CHSY1: variants seen among roughly 807,000 people sequenced by gnomAD.
CHSY1 encodes N-acetylgalactosaminyl-proteoglycan 3-beta-glucuronosyltransferase 1.
In CHSY1, 13 loss-of-function variants were observed where a neutral mutation model predicts 59.8. That is an observed-to-expected ratio of 0.22 (90% CI 0.14 to 0.35). The LOEUF (loss-of-function observed/expected upper bound fraction) is 0.35, where lower values mean the gene tolerates loss of function less well. Among genes scored for constraint, CHSY1 ranks in the 10% least tolerant of loss-of-function variants. CHSY1 has a pLI of 1.00. For missense variants in CHSY1, 947 were observed against 1,030.6 expected, an observed-to-expected ratio of 0.92 and a Z score of 1.11; for synonymous variants, 459 against 401.2, an observed-to-expected ratio of 1.14 and a Z score of -1.72.
chr15:101,237,016 A>C (rs2038951026), intron 1 of CHSY1, among the ~76,000 whole-genome samples: 1 of 151,074 alleles, frequency 6.6e-6, no homozygotes, highest in Non-Finnish European at 1.5e-5. Flanking sequence ...TCAGGAGTTC[A>C]AGACCAGCCT....
rs188715899 is a variant in CHSY1, at chr15:101,203,186, G to C, written c.817-24206C>G. Among the ~76,000 whole-genome samples the C allele has an allele frequency of 7.3e-4, 111 of 152,274 alleles. 1 individual carries two copies. Among genetic ancestry groups the C allele is most frequent in the African/African-American group, 2.5e-3 (103 of 41,552 alleles). Reference sequence around the variant, plus strand: ...CAGAAACCACAAACCCCTGAAATAGGGGGGGTGAGGGAGTATAAAGGCAGC... The same window carrying C: ...CAGAAACCACAAACCCCTGAAATAGCGGGGGTGAGGGAGTATAAAGGCAGC... On this transcript the variant is annotated intron_variant, in intron 2 of 2. Coordinates refer to ENST00000254190, the MANE Select transcript of CHSY1 (RefSeq NM_014918.5).
chr15:101,193,833 T>A (rs1208049182), intron 2 of CHSY1, among the ~76,000 whole-genome samples: 1 of 152,232 alleles, frequency 6.6e-6, no homozygotes, highest in African/African-American at 2.4e-5. Flanking sequence ...TTCACGCTCC[T>A]TCCTTGCCTG....
intron 2 of CHSY1, among the ~76,000 whole-genome samples, chr15:101,211,534 G>C (rs2038683167): frequency 6.6e-6 from 1 of 152,144 alleles, no homozygotes; most frequent in African/African-American, 2.4e-5. Context: ...AAATGGGACA[G>C]AAGCAATATT....
At chr15:101,239,435 G>A (rs1242169477) in intron 1 of CHSY1, among the ~76,000 whole-genome samples, 3 of 152,254 alleles carry the variant, frequency 2.0e-5, no homozygotes, top group Admixed American at 6.5e-5. Flanking sequence ...GCTGGCTCTG[G>A]AATCAGGCCA....
rs946801677 is a variant in CHSY1 at position 101,176,832 on chromosome 15, G to A, written c.*556C>T. On this transcript the variant is annotated 3_prime_UTR_variant, in exon 3 of 3. Transcript: ENST00000254190. ...AAAACAAAACAAACAAAAAACCTACGTGGCCATGCTGAGCAGAGTACCATG... is the reference window on the plus strand; with the variant it reads ...AAAACAAAACAAACAAAAAACCTACATGGCCATGCTGAGCAGAGTACCATG... 5.0e-5 allele frequency: 8 copies of A among 160,572 alleles called. No individual in the cohort carries two copies. The highest frequency in any genetic ancestry group is 1.8e-4 in the East Asian group (1 of 5,574). The allele number at this position is 160,572 out of a possible 1,614,324, so 9.9% of individuals were successfully genotyped here.
intron 2 of CHSY1, among the ~76,000 whole-genome samples, chr15:101,219,753 C>T (rs1169578643): frequency 6.6e-6 from 1 of 152,210 alleles, no homozygotes; most frequent in Non-Finnish European, 1.5e-5. Context: ...CCATCCTTGT[C>T]CACCCATACC....
In CHSY1 at chr15:101,225,421, G is replaced by C. The variant is rs534795883; in HGVS notation, c.816+9661C>G. ...ACGTTTTAAAAGGCAGATTACCGTT[G>C]ATATAGTTTGGATACTTGTCCCCAC... On this transcript the variant is annotated intron_variant, in intron 2 of 2. Transcript: ENST00000254190. 5.0e-4 allele frequency among the ~76,000 whole-genome samples: 76 copies of C among 152,268 alleles called. 1 individual carries two copies. Among genetic ancestry groups the C allele is most frequent in the African/African-American group, 1.6e-3 (66 of 41,530 alleles).
At chr15:101,203,156 G>A (rs779525380) in intron 2 of CHSY1, among the ~76,000 whole-genome samples, 1 of 152,172 alleles carries the variant, frequency 6.6e-6, no homozygotes, top group Non-Finnish European at 1.5e-5. Context: ...AAATGCACTG[G>A]GTTGCAGAAA....
rs2038223001 is a variant in CHSY1, at chr15:101,178,257, G to C, written c.1540C>G (p.Leu514Val). 13 of 1,613,932 alleles carry C rather than the reference G, an allele frequency of 8.1e-6. No homozygotes were observed. The highest frequency in any genetic ancestry group is 9.3e-6 in the Non-Finnish European group (11 of 1,179,890). ...LSFLSNSLKK[L>V]VPFQLPGSKS... is the part of the protein sequence containing the mutation. ...GACCCAGGGAGCTGAAAGGGGACGA[G>C]CTTCTTCAGGGAGTTTGAGAGAAAG... The change falls in exon 3 of 3, where the codon CTC (leucine) becomes GTC (valine). Residue 514 changes from leucine to valine, a missense_variant. By Grantham distance (32) the Leu-to-Val change is conservative. This residue lies in a region of CHSY1 where 602 missense variants were observed against 676.9 expected (regional missense o/e 0.89). Transcript: ENST00000254190.
chr15:101,230,954 A>G (rs1056597157), intron 2 of CHSY1, among the ~76,000 whole-genome samples: 18 of 152,232 alleles, frequency 1.2e-4, no homozygotes, highest in Non-Finnish European at 2.1e-4. Flanking sequence ...TGAACCCTTA[A>G]CAAGTACTTA....
At chr15:101,240,063 A>C (rs1413056348) in intron 1 of CHSY1, among the ~76,000 whole-genome samples, 1 of 152,192 alleles carries the variant, frequency 6.6e-6, no homozygotes, top group Non-Finnish European at 1.5e-5. Context: ...CCCAATTATT[A>C]TCTGTTCCTT....
intron 2 of CHSY1, among the ~76,000 whole-genome samples, chr15:101,219,904 T>A (rs1237906211): frequency 6.6e-6 from 1 of 152,122 alleles, no homozygotes. Context: ...GTAGCTGGGA[T>A]TACAGGCATG....
intron 2 of CHSY1, among the ~76,000 whole-genome samples, chr15:101,185,245 A>C (rs191421311): frequency 6.6e-6 from 1 of 152,372 alleles, no homozygotes; most frequent in East Asian, 1.9e-4. Flanking sequence ...AATATAATGC[A>C]AAGCAAAAAT....
chr15:101,237,313 C>T (rs1425415003), intron 1 of CHSY1, among the ~76,000 whole-genome samples: 1 of 151,404 alleles, frequency 6.6e-6, no homozygotes, highest in Non-Finnish European at 1.5e-5. Flanking sequence ...TTGCAAGAGC[C>T]ACAGGAAGCC....
At position 101,178,855 on chromosome 15, in the gene CHSY1, C is replaced by G. The variant is rs757184435; in HGVS notation, c.942G>C (p.Arg314Ser). Residue 314 changes from arginine (R) to serine (S), a missense_variant, in exon 3 of 3, where the codon AGG (arginine) becomes AGC (serine). Arg to Ser is a moderately radical substitution (Grantham distance 110). This residue lies in a region of CHSY1 where 602 missense variants were observed against 676.9 expected (regional missense o/e 0.89). Transcript: ENST00000254190. ...HPNKNPPYQY[R>S]LHSYMLSRKI... is the part of the protein sequence containing the mutation. Reference sequence around the variant, plus strand: ...TGCGGCTCAGCATGTAGCTGTGGAGCCTGTACTGGTAGGGTGGGTTTTTGT... The same window carrying G: ...TGCGGCTCAGCATGTAGCTGTGGAGGCTGTACTGGTAGGGTGGGTTTTTGT... 6.2e-7 allele frequency: 1 copy of G among 1,614,112 alleles called. No homozygotes were observed. Among genetic ancestry groups the G allele is most frequent in the South Asian group, 1.1e-5 (1 of 91,082 alleles).
chr15:101,178,735 G>A lies in CHSY1; in HGVS notation c.1062C>T (p.Leu354=), dbSNP rs2038233174. 1.2e-6 allele frequency: 2 copies of A among 1,614,110 alleles called. No individual in the cohort carries two copies. Among genetic ancestry groups the A allele is most frequent in the African/African-American group, 2.7e-5 (2 of 74,924 alleles). ...TGAAGGAGGGAGGGATTCCCAGCTG[G>A]AGGTCCTCTTTATGAATTTCTGTGT... ...YSNTEIHKED[L]QLGIPPSFMR... Residue 354 remains leucine, a synonymous_variant, in exon 3 of 3, where the codon CTC becomes CTT. Coordinates refer to ENST00000254190, the MANE Select transcript of CHSY1 (RefSeq NM_014918.5).
chr15:101,228,917 G>A (rs921123533), intron 2 of CHSY1, among the ~76,000 whole-genome samples: 3 of 152,122 alleles, frequency 2.0e-5, no homozygotes, highest in African/African-American at 7.2e-5. Context: ...TCTGTTGACT[G>A]GCATACAACG....
At chr15:101,250,831 G>C (rs1383755020) in intron 1 of CHSY1, among the ~76,000 whole-genome samples, 1 of 152,160 alleles carries the variant, frequency 6.6e-6, no homozygotes, top group Non-Finnish European at 1.5e-5. Context: ...CCGATCTGTC[G>C]GGCCCTTCTA....
At chr15:101,243,860 A>G (rs2039026637) in intron 1 of CHSY1, among the ~76,000 whole-genome samples, 1 of 152,142 alleles carries the variant, frequency 6.6e-6, no homozygotes, top group Admixed American at 6.5e-5. Flanking sequence ...ATTGTGCCCA[A>G]TTACCTGCAG....
Sources: gnomAD v4.1 joint callset for allele counts (sites outside exome capture counted in the v4.1 genomes callset) on GRCh38, gnomAD v4.1.1 for gene constraint, gnomAD v4.1.1 regional missense constraint, MANE v1.5 for transcripts, NCBI Gene and HGNC (gene_info 2026-07-23, HGNC 2026-07-21) for gene names.